The following STK32B variants were observed in gnomAD, a reference collection of about 807,000 sequenced individuals.
STK32B encodes the protein serine/threonine-protein kinase 32B.
In STK32B, 43 loss-of-function variants were observed where a neutral mutation model predicts 52.6. That is an observed-to-expected ratio of 0.82 (90% CI 0.64 to 1.05). The LOEUF (loss-of-function observed/expected upper bound fraction) is 1.05, where lower values mean the gene tolerates loss of function less well. STK32B is among the 50% of genes least tolerant of loss of function. STK32B has a pLI of 0.00. For missense variants in STK32B, 621 were observed against 534.6 expected (o/e 1.16, Z -1.59); for synonymous variants, 238 against 204.3 (o/e 1.17, Z -1.41).
At chr4:5,315,173 G>A (rs1049347643) in intron 3 of STK32B, among the ~76,000 whole-genome samples, 2 of 152,138 alleles carry the variant, frequency 1.3e-5, no homozygotes, top group African/African-American at 2.4e-5. Flanking sequence ...GACATGAACA[G>A]ACATTTCCCA....
chr4:5,116,442 G>C (rs35139055), intron 1 of STK32B, among the ~76,000 whole-genome samples: 1 of 152,034 alleles, frequency 6.6e-6, no homozygotes, highest in Non-Finnish European at 1.5e-5. Context: ...TACATCTGTG[G>C]AATAGCTCAA....
At chr4:5,148,435 A>G (rs1041669134) in intron 2 of STK32B, among the ~76,000 whole-genome samples, 11 of 151,892 alleles carry the variant, frequency 7.2e-5, no homozygotes, top group Non-Finnish European at 1.3e-4. Flanking sequence ...GATATGTTGT[A>G]TTTTATTATT....
intron 11 of STK32B, among the ~76,000 whole-genome samples, chr4:5,489,431 T>G (rs1719507744): frequency 6.6e-6 from 1 of 152,186 alleles, no homozygotes; most frequent in Admixed American, 6.5e-5. Flanking sequence ...TAATTAATTC[T>G]ATTCATCAAG....
intron 2 of STK32B, among the ~76,000 whole-genome samples, chr4:5,148,788 A>G (rs1394686384): frequency 1.3e-5 from 2 of 151,870 alleles, no homozygotes; most frequent in Admixed American, 6.5e-5. Context: ...GCCGATTTTT[A>G]AAATCTAGTT....
At chr4:5,168,616 T>G (rs1719081555) in intron 3 of STK32B, among the ~76,000 whole-genome samples, 166 bp downstream of exon 3, 1 of 152,260 alleles carries the variant, frequency 6.6e-6, no homozygotes, top group Admixed American at 6.5e-5. Context: ...TGATGAAGTC[T>G]ATAGGCATAT....
chr4:5,057,354 C>A (rs915353054), intron 1 of STK32B, among the ~76,000 whole-genome samples: 82 of 152,148 alleles, frequency 5.4e-4, no homozygotes, highest in African/African-American at 2.0e-3. Flanking sequence ...AGTAGCTTGG[C>A]AGCTCTTAAT....
At chr4:5,179,713 G>C (rs1467168470) in intron 3 of STK32B, among the ~76,000 whole-genome samples, 2 of 151,882 alleles carry the variant, frequency 1.3e-5, no homozygotes, top group Admixed American at 1.3e-4. Flanking sequence ...ACAGGGGTCA[G>C]GAGTTATTTT....
chr4:5,267,478 A>G (rs1322796136), intron 3 of STK32B, among the ~76,000 whole-genome samples: 1 of 152,084 alleles, frequency 6.6e-6, no homozygotes, highest in Non-Finnish European at 1.5e-5. Context: ...TGTATTATCA[A>G]TCTGAGTAAC....
chr4:5,216,883 T>G (rs551017491), intron 3 of STK32B, among the ~76,000 whole-genome samples: 3 of 152,224 alleles, frequency 2.0e-5, no homozygotes, highest in Non-Finnish European at 4.4e-5. Context: ...CCAGTGACTA[T>G]CATTGTAAGT....
intron 3 of STK32B, among the ~76,000 whole-genome samples, chr4:5,203,875 T>G (rs996409312): frequency 6.6e-6 from 1 of 152,316 alleles, no homozygotes; most frequent in Non-Finnish European, 1.5e-5. Flanking sequence ...TGCCTGGGAA[T>G]TCACACACCC....
At chr4:5,425,662 T>C (rs1056662928) in intron 6 of STK32B, among the ~76,000 whole-genome samples, 1 of 152,220 alleles carries the variant, frequency 6.6e-6, no homozygotes, top group African/African-American at 2.4e-5. Flanking sequence ...TTTTGAGGAA[T>C]AATTTTCATG....
chr4:5,188,488 A>G (rs1467271667), intron 3 of STK32B, among the ~76,000 whole-genome samples: 1 of 151,828 alleles, frequency 6.6e-6, no homozygotes, highest in African/African-American at 2.4e-5. Context: ...CTTTGCACTC[A>G]CTGTTCTCTC....
chr4:5,077,940 A>G (rs1477281550), intron 1 of STK32B, among the ~76,000 whole-genome samples: 2 of 152,204 alleles, frequency 1.3e-5, no homozygotes, highest in African/African-American at 4.8e-5. Flanking sequence ...GAAGTCCAGA[A>G]GGAAGTGGCC....
chr4:5,071,486 G>T (rs1243168862), intron 1 of STK32B, among the ~76,000 whole-genome samples: 1 of 152,080 alleles, frequency 6.6e-6, no homozygotes, highest in Non-Finnish European at 1.5e-5. Flanking sequence ...ATCCTCTACC[G>T]TTCATTTAAG....
the STK32B span, among the ~76,000 whole-genome samples, chr4:5,022,582 C>T: frequency 2.6e-5 from 4 of 152,236 alleles, no homozygotes; most frequent in Non-Finnish European, 5.9e-5. Flanking sequence ...GCCCACAAAT[C>T]AGGTAAGCCC....
At chr4:5,030,586 C>T in the STK32B span, among the ~76,000 whole-genome samples, 4 of 152,284 alleles carry the variant, frequency 2.6e-5, no homozygotes, top group East Asian at 5.8e-4. Context: ...CTCATAAAAA[C>T]CTTACAAGGT....
intron 8 of STK32B, among the ~76,000 whole-genome samples, chr4:5,458,350 A>G (rs766465088): frequency 3.9e-5 from 6 of 152,198 alleles, no homozygotes; most frequent in Non-Finnish European, 7.3e-5. Flanking sequence ...AATAGCAGCC[A>G]GCACTGTTTA....
intron 3 of STK32B, among the ~76,000 whole-genome samples, chr4:5,274,001 GAAAC>G (rs1198381744): frequency 4.7e-5 from 7 of 150,170 alleles, no homozygotes; most frequent in Non-Finnish European, 7.4e-5. Flanking sequence ...TAAAAAAAAA[GAAAC>G]AAAAAAACAA....
chr4:5,247,718 C>T (rs1430202708), intron 3 of STK32B, among the ~76,000 whole-genome samples: 1 of 152,170 alleles, frequency 6.6e-6, no homozygotes, highest in Admixed American at 6.6e-5. Flanking sequence ...TTGGCTCCAC[C>T]CCTTTGATTA....
Sources: allele counts gnomAD v4.1 joint callset (sites outside exome capture counted in the v4.1 genomes callset), GRCh38; gene constraint gnomAD v4.1.1; transcripts MANE v1.5; gene names NCBI Gene and HGNC (gene_info 2026-07-23, HGNC 2026-07-21).